Variants in TPST1 observed in about 807,000 individuals in gnomAD.
The protein encoded by TPST1 is tyrosylprotein sulfotransferase 1.
TPST1 carries 20 observed loss-of-function variants against 34.8 expected under a neutral mutation model. The ratio of observed to expected loss-of-function variants is 0.57; its 90% confidence interval spans 0.40 to 0.84. TPST1 has a LOEUF of 0.84. Among genes scored for constraint, TPST1 ranks in the 40% least tolerant of loss-of-function variants. The pLI is 0.00. For synonymous variants in TPST1, 152 were observed against 159.4 expected, an observed-to-expected ratio of 0.95 and a Z score of 0.35; for missense variants, 353 against 455.5, an observed-to-expected ratio of 0.78 and a Z score of 2.05.
chr7:66,207,088 A>G (rs1040153708), intron 1 of TPST1, among the ~76,000 whole-genome samples: 2 of 152,156 alleles, frequency 1.3e-5, no homozygotes, highest in African/African-American at 4.8e-5. Context: ...GCCTGGACGA[A>G]TCAGTCAGCT....
At chr7:66,302,814 C>T (rs1033289196) in intron 3 of TPST1, among the ~76,000 whole-genome samples, 3 of 152,180 alleles carry the variant, frequency 2.0e-5, no homozygotes, top group African/African-American at 7.2e-5. Context: ...TTGATGAGAG[C>T]AGTGGTCTTT....
At chr7:66,300,603 G>A (rs1791294850) in intron 3 of TPST1, among the ~76,000 whole-genome samples, 1 of 152,192 alleles carries the variant, frequency 6.6e-6, no homozygotes, top group Non-Finnish European at 1.5e-5. Flanking sequence ...CATCAGAGGA[G>A]TTGGTATCTA....
chr7:66,224,087 T>C (rs765918834), intron 1 of TPST1, among the ~76,000 whole-genome samples: 6 of 152,208 alleles, frequency 3.9e-5, no homozygotes, highest in African/African-American at 7.2e-5. Flanking sequence ...TACTCGTTAG[T>C]GGGTCTGGTG....
At chr7:66,294,942 C>T (rs1351660552) in intron 3 of TPST1, among the ~76,000 whole-genome samples, 1 of 152,008 alleles carries the variant, frequency 6.6e-6, no homozygotes, top group Non-Finnish European at 1.5e-5. Context: ...ATAGAAGCCA[C>T]CTTAAATTCT....
rs1380841566 is a variant in TPST1, at chr7:66,253,265, G to T, written c.845+11995G>T. On this transcript the variant is annotated intron_variant, in intron 2 of 5. Transcript: ENST00000304842. ...TGGGCATCTGTGGATTTTGGCATTTGTGGGGAGTCCAGAAACCTAGGGGAT... is the reference window on the plus strand; with the variant it reads ...TGGGCATCTGTGGATTTTGGCATTTTTGGGGAGTCCAGAAACCTAGGGGAT... Among the ~76,000 whole-genome samples, 3 of 152,226 alleles carry T rather than the reference G, an allele frequency of 2.0e-5. No homozygotes were observed. In the East Asian group the frequency reaches 5.8e-4, roughly 29 times the overall value.
At chr7:66,315,321 AGAG>A (rs1282678193) in intron 3 of TPST1, among the ~76,000 whole-genome samples, 4 of 152,254 alleles carry the variant, frequency 2.6e-5, no homozygotes, top group African/African-American at 4.8e-5. Context: ...TGGAATTCAT[AGAG>A]GAGGAACCAC....
intron 2 of TPST1, among the ~76,000 whole-genome samples, chr7:66,246,048 T>G (rs1790140491): frequency 6.6e-6 from 1 of 151,960 alleles, no homozygotes; most frequent in Non-Finnish European, 1.5e-5. Flanking sequence ...TCTTGCTCCA[T>G]CACCCAGGCT....
intron 1 of TPST1, among the ~76,000 whole-genome samples, chr7:66,226,453 T>G (rs866852745): frequency 6.6e-6 from 1 of 152,154 alleles, no homozygotes; most frequent in African/African-American, 2.4e-5. Flanking sequence ...TAAAGACCCC[T>G]CTTAGGACTG....
chr7:66,270,479 C>T (rs925007193), intron 2 of TPST1, among the ~76,000 whole-genome samples: 2 of 152,188 alleles, frequency 1.3e-5, no homozygotes, highest in African/African-American at 4.8e-5. Flanking sequence ...AAATCACTTA[C>T]TCTGCTTCTT....
chr7:66,234,417 A>ACACACACACG (rs1789865621), intron 1 of TPST1, among the ~76,000 whole-genome samples: 2 of 151,030 alleles, frequency 1.3e-5, no homozygotes, highest in Non-Finnish European at 3.0e-5. Flanking sequence ...ACACACACAC[A>ACACACACACG]CACACACACA....
chr7:66,240,035 C>T (rs1789993938), intron 1 of TPST1, among the ~76,000 whole-genome samples: 1 of 152,042 alleles, frequency 6.6e-6, no homozygotes, highest in African/African-American at 2.4e-5. Flanking sequence ...GCACCCGCCA[C>T]CATGCCCAGC....
Position 66,332,371 on chromosome 7 carries a change from G to A in TPST1, c.1045-20134G>A, listed in dbSNP as rs1237142247. On this transcript the variant is annotated intron_variant, in intron 3 of 5. Transcript: ENST00000304842. This position sits in a 1 kb window ranked among gnomAD's most constrained non-coding sequence, Gnocchi z 4.5. ...CAACGTCCGTCTCCTGAGTTCAAGCGATTCTCCTGCCTCAGCCTCCCGAGT... is the reference window on the plus strand; with the variant it reads ...CAACGTCCGTCTCCTGAGTTCAAGCAATTCTCCTGCCTCAGCCTCCCGAGT... Among the ~76,000 whole-genome samples, 1 of 151,728 alleles carries A rather than the reference G, an allele frequency of 6.6e-6. No homozygotes were observed. The highest frequency in any genetic ancestry group is 1.5e-5 in the Non-Finnish European group (1 of 67,966).
intron 2 of TPST1, among the ~76,000 whole-genome samples, chr7:66,253,038 C>T (rs1445595761): frequency 6.6e-6 from 1 of 152,124 alleles, no homozygotes; most frequent in Non-Finnish European, 1.5e-5. Context: ...CAAAAACATT[C>T]AGGGGGGAAA....
upstream of TPST1, among the ~76,000 whole-genome samples, chr7:66,200,863 A>AT (rs1450865206): frequency 6.6e-6 from 1 of 152,054 alleles, no homozygotes; most frequent in Non-Finnish European, 1.5e-5. Flanking sequence ...AGTTGCTGGG[A>AT]TTACAGGTGT....
At chr7:66,250,361 A>G (rs548978656) in intron 2 of TPST1, among the ~76,000 whole-genome samples, 1 of 152,328 alleles carries the variant, frequency 6.6e-6, no homozygotes, top group East Asian at 1.9e-4. Context: ...CTATACTTTT[A>G]GCTCTTGTTG....
intron 2 of TPST1, among the ~76,000 whole-genome samples, chr7:66,281,853 T>C (rs529640268): frequency 6.6e-6 from 1 of 152,330 alleles, no homozygotes; most frequent in East Asian, 1.9e-4. Context: ...GATCCATGCT[T>C]AAAATGAATG....
intron 1 of TPST1, among the ~76,000 whole-genome samples, chr7:66,218,965 C>A (rs1789483021): frequency 6.6e-6 from 1 of 151,962 alleles, no homozygotes; most frequent in Admixed American, 6.5e-5. Context: ...ACAGCAACCT[C>A]TGCCTCCCCG....
intron 2 of TPST1, among the ~76,000 whole-genome samples, chr7:66,283,701 G>A (rs1020333230): frequency 1.3e-5 from 2 of 152,198 alleles, no homozygotes; most frequent in Non-Finnish European, 2.9e-5. Context: ...AATTTAATGT[G>A]TGACTCATAG....
chr7:66,265,549 CAAAAAAAAAAAAAAGA>C (rs1455731614), intron 2 of TPST1, among the ~76,000 whole-genome samples: 5 of 129,214 alleles, frequency 3.9e-5, no homozygotes, highest in African/African-American at 1.5e-4. Context: ...AACCCTGTCT[CAAAAAAAAAAAAAAGA>C]AAAAAGAAAA....
Sources: allele counts gnomAD v4.1 joint callset (sites outside exome capture counted in the v4.1 genomes callset), GRCh38; gene constraint gnomAD v4.1.1; non-coding constraint Gnocchi (gnomAD v3.1); transcripts MANE v1.5; gene names NCBI Gene and HGNC (gene_info 2026-07-23, HGNC 2026-07-21).